Variants in NTNG1 observed in about 807,000 individuals in gnomAD.
The protein encoded by NTNG1 is netrin-G1.
A neutral mutation model predicts 54.0 loss-of-function variants in NTNG1; 16 were observed. That is an observed-to-expected ratio of 0.30 (90% CI 0.20 to 0.45). The LOEUF is 0.45. NTNG1 is among the 20% of genes least tolerant of loss of function. NTNG1 has a pLI of 1.00. For synonymous variants in NTNG1, 255 were observed against 263.1 expected (o/e 0.97, Z 0.30); for missense variants, 530 against 678.7 (o/e 0.78, Z 2.43).
At chr1:107,326,723 C>T (rs1340499873) in intron 3 of NTNG1, among the ~76,000 whole-genome samples, 2 of 152,034 alleles carry the variant, frequency 1.3e-5, no homozygotes, top group Non-Finnish European at 2.9e-5. Flanking sequence ...TCCTATTGCT[C>T]CACCTCCCCA....
chr1:107,315,143 C>A (rs1287921257), intron 2 of NTNG1, among the ~76,000 whole-genome samples: 1 of 152,104 alleles, frequency 6.6e-6, no homozygotes, highest in African/African-American at 2.4e-5. Flanking sequence ...ACTTCTTGTT[C>A]TTCATCTTTA....
intron 4 of NTNG1, among the ~76,000 whole-genome samples, chr1:107,404,861 G>T (rs1051014259): frequency 3.3e-5 from 5 of 152,122 alleles, no homozygotes; most frequent in Non-Finnish European, 5.9e-5. Flanking sequence ...TCTTTACATG[G>T]TAGTTGTCAA....
chr1:107,242,486 G>T (rs954604176), intron 2 of NTNG1, among the ~76,000 whole-genome samples: 39 of 152,130 alleles, frequency 2.6e-4, no homozygotes, highest in Non-Finnish European at 7.3e-5. Flanking sequence ...GTATTAAATA[G>T]TATAACAATT....
chr1:107,262,436 CAG>C lies in NTNG1; in HGVS notation c.247-61844_247-61843del, dbSNP rs74742632. ...AGAGATTTATTTTATTGTTATAAAA[CAG>C]AATATAAAAGTAGGTTGGGGTCTAA... On this transcript the variant is annotated intron_variant, in intron 2 of 7. Coordinates refer to ENST00000370068, the MANE Select transcript of NTNG1 (RefSeq NM_001113226.3). Among the ~76,000 whole-genome samples, 441 of 152,286 alleles carry C rather than the reference CAG, an allele frequency of 2.9e-3. 11 individuals carry two copies. In the East Asian group the frequency reaches 0.06, roughly 21 times the overall value.
chr1:107,174,357 T>C (rs897517967), intron 2 of NTNG1, among the ~76,000 whole-genome samples: 2 of 152,162 alleles, frequency 1.3e-5, no homozygotes, highest in African/African-American at 4.8e-5. Flanking sequence ...GCACTTTGGC[T>C]GAATGTTTGC....
intron 7 of NTNG1, among the ~76,000 whole-genome samples, chr1:107,480,166 A>G (rs1678598162): frequency 6.6e-6 from 1 of 151,576 alleles, no homozygotes; most frequent in Non-Finnish European, 1.5e-5. Flanking sequence ...CCCACCCCTT[A>G]GAGGTTTTTG....
At chr1:107,444,848 A>G (rs2101445237) in intron 7 of NTNG1, among the ~76,000 whole-genome samples, 2 of 152,256 alleles carry the variant, frequency 1.3e-5, no homozygotes, top group Middle Eastern at 6.8e-3. Flanking sequence ...TAAGAAGGCC[A>G]AGTGGTAATA....
At chr1:107,295,872 A>G (rs1345458551) in intron 2 of NTNG1, among the ~76,000 whole-genome samples, 1 of 152,160 alleles carries the variant, frequency 6.6e-6, no homozygotes, top group Non-Finnish European at 1.5e-5. Flanking sequence ...TTCAGTGGGT[A>G]TTTTAATATC....
chr1:107,288,469 G>A (rs910861267), intron 2 of NTNG1, among the ~76,000 whole-genome samples: 7 of 152,062 alleles, frequency 4.6e-5, no homozygotes, highest in African/African-American at 1.7e-4. Context: ...AAATAGTAAG[G>A]GGAAAGAGAA....
At chr1:107,263,747 G>A (rs1663532594) in intron 2 of NTNG1, among the ~76,000 whole-genome samples, 1 of 152,124 alleles carries the variant, frequency 6.6e-6, no homozygotes, top group Admixed American at 6.5e-5. Context: ...GTATTTGAGA[G>A]TTATGCTCAC....
chr1:107,145,771 G>A (rs746690878), intron 1 of NTNG1, among the ~76,000 whole-genome samples: 1 of 152,042 alleles, frequency 6.6e-6, no homozygotes, highest in Non-Finnish European at 1.5e-5. Context: ...CAAATATCTT[G>A]CACTCTTCTG....
chr1:107,233,456 C>CA, intron 2 of NTNG1, among the ~76,000 whole-genome samples: 1 of 152,276 alleles, frequency 6.6e-6, no homozygotes, highest in East Asian at 1.9e-4. Flanking sequence ...AAAAGAAATG[C>CA]AATGTGTACA....
At chr1:107,272,354 T>C (rs1367734683) in intron 2 of NTNG1, among the ~76,000 whole-genome samples, 1 of 152,182 alleles carries the variant, frequency 6.6e-6, no homozygotes, top group East Asian at 1.9e-4. Flanking sequence ...TGTTCCTTCC[T>C]TGAGTTTATA....
chr1:107,319,632 C>G (rs1191007593), intron 2 of NTNG1, among the ~76,000 whole-genome samples: 1 of 152,092 alleles, frequency 6.6e-6, no homozygotes, highest in Non-Finnish European at 1.5e-5. Context: ...CAGGACATCT[C>G]TGTGTCATTC....
chr1:107,236,740 TG>T (rs1661437427), intron 2 of NTNG1, among the ~76,000 whole-genome samples: 1 of 152,154 alleles, frequency 6.6e-6, no homozygotes, highest in African/African-American at 2.4e-5. Context: ...GTTTTAAAAA[TG>T]GGAGTTTCCC....
chr1:107,300,045 A>G lies in NTNG1; in HGVS notation c.247-24237A>G, dbSNP rs569022111. 9.2e-4 allele frequency among the ~76,000 whole-genome samples: 140 copies of G among 152,340 alleles called. No homozygotes were observed. In the Middle Eastern group the frequency reaches 0.014, roughly 15 times the overall value. On this transcript the variant is annotated intron_variant, in intron 2 of 7. Coordinates refer to ENST00000370068, the MANE Select transcript of NTNG1 (RefSeq NM_001113226.3). Reference sequence around the variant, plus strand: ...TGTAACAGCTGTAGAAATGAATTCTATAGAGCACAAGAAACTTGTGGCCAT... The same window carrying G: ...TGTAACAGCTGTAGAAATGAATTCTGTAGAGCACAAGAAACTTGTGGCCAT...
At chr1:107,281,382 A>C (rs1664850714) in intron 2 of NTNG1, among the ~76,000 whole-genome samples, 1 of 152,004 alleles carries the variant, frequency 6.6e-6, no homozygotes, top group South Asian at 2.1e-4. Flanking sequence ...TAATATGATT[A>C]GTCTTCTTCT....
At chr1:107,163,878 T>C (rs1438967203) in intron 2 of NTNG1, among the ~76,000 whole-genome samples, 1 of 152,204 alleles carries the variant, frequency 6.6e-6, no homozygotes, top group Non-Finnish European at 1.5e-5. Flanking sequence ...CATAAAGGCA[T>C]AGCAAGTGAG....
In NTNG1 at chr1:107,265,925, T is replaced by A. The variant is rs77465295; in HGVS notation, c.247-58357T>A. ...ATAATCAATGTATTTGAAAAGCACA[T>A]CTGTACATAATGGACAAATTGAAAA... On this transcript the variant is annotated intron_variant, in intron 2 of 7. Transcript: ENST00000370068. Among the ~76,000 whole-genome samples, 637 of 152,278 alleles carry A rather than the reference T, an allele frequency of 4.2e-3. 2 individuals are homozygous for A. Among genetic ancestry groups the A allele is most frequent in the African/African-American group, 0.014 (599 of 41,562 alleles).
Sources: gnomAD v4.1 joint callset for allele counts (sites outside exome capture counted in the v4.1 genomes callset) on GRCh38, gnomAD v4.1.1 for gene constraint, MANE v1.5 for transcripts, NCBI Gene and HGNC (gene_info 2026-07-23, HGNC 2026-07-21) for gene names.